HIPK2: variants seen among roughly 807,000 people sequenced by gnomAD.
HIPK2 encodes homeodomain interacting protein kinase 2.
A neutral mutation model predicts 113.7 loss-of-function variants in HIPK2; 27 were observed. The observed-to-expected ratio is 0.24, with a 90% CI of 0.17 to 0.33. HIPK2 has a LOEUF of 0.33. Ranked by LOEUF, HIPK2 falls within the 10% of genes least tolerant of loss-of-function variation. HIPK2 has a pLI of 1.00. For missense variants in HIPK2, 1,257 were observed against 1,588.0 expected (o/e 0.79, Z 3.54); for synonymous variants, 631 against 642.2 (o/e 0.98, Z 0.26).
In HIPK2 at chr7:139,575,242, G is replaced by T; in HGVS notation, c.3012C>A (p.Ser1004Arg). The change falls in exon 14 of 15, where the codon AGC (serine) becomes AGA (arginine). Residue 1004 changes from serine (S) to arginine (R), a missense_variant. Physicochemically the swap from Ser to Arg is moderately radical, Grantham distance 110. This residue lies in a region of HIPK2 where 862 missense variants were observed against 1,004.3 expected (regional missense o/e 0.86). Coordinates refer to ENST00000406875, the MANE Select transcript of HIPK2 (RefSeq NM_022740.5). ...AGTGACCGCTGGTGGAGGTCACGTT[G>T]CTGGAGGACTTGGACTTGTAGGAGG... ...HSSSYKSKSS[S>R]NVTSTSGHSS... 1 of 1,579,762 alleles carries T rather than the reference G, an allele frequency of 6.3e-7. No individual in the cohort carries two copies. Among genetic ancestry groups the T allele is most frequent in the Admixed American group, 1.8e-5 (1 of 54,370 alleles).
At chr7:139,664,452 G>A (rs754541149) in intron 2 of HIPK2, among the ~76,000 whole-genome samples, 20 of 152,160 alleles carry the variant, frequency 1.3e-4, no homozygotes, top group Non-Finnish European at 2.1e-4. Flanking sequence ...CAGGAGAATC[G>A]CTTGAACCTG....
chr7:139,586,768 AAAG>A (rs1297136349), intron 12 of HIPK2, among the ~76,000 whole-genome samples: 1 of 152,178 alleles, frequency 6.6e-6, no homozygotes, highest in Non-Finnish European at 1.5e-5. Flanking sequence ...CCAAAAAAAA[AAAG>A]TTCTGATACA....
intron 2 of HIPK2, among the ~76,000 whole-genome samples, chr7:139,653,908 T>A (rs1367838491): frequency 1.3e-5 from 2 of 152,054 alleles, no homozygotes; most frequent in African/African-American, 2.4e-5. Flanking sequence ...AATTTTTGTA[T>A]TTTTAGTAGA....
In HIPK2 at chr7:139,716,654, T is replaced by C; in HGVS notation, c.381A>G (p.Gln127=). The C allele has an allele frequency of 6.2e-7, 1 of 1,613,930 alleles. No homozygotes were observed. The highest frequency in any genetic ancestry group is 8.5e-7 in the Non-Finnish European group (1 of 1,179,886). ...RSTVSLLDTY[Q]KCGLKRKSEE... ...CGCTCTTACGCTTGAGTCCACATTTTTGGTAGGTATCAAGGAGGCTCACAG... is the reference window on the plus strand; with the variant it reads ...CGCTCTTACGCTTGAGTCCACATTTCTGGTAGGTATCAAGGAGGCTCACAG... The change falls in exon 2 of 15, where the codon CAA becomes CAG. Residue 127 remains glutamine (Q), a synonymous_variant. Coordinates refer to ENST00000406875, the MANE Select transcript of HIPK2 (RefSeq NM_022740.5). The surrounding 1 kb of genome is among the most constrained non-coding windows in gnomAD (Gnocchi z 9.3).
intron 11 of HIPK2, among the ~76,000 whole-genome samples, chr7:139,597,929 T>C (rs1035435944): frequency 3.3e-5 from 5 of 152,212 alleles, no homozygotes; most frequent in Admixed American, 2.6e-4. Context: ...TTTTCAGATT[T>C]TGGAATATTT....
intron 1 of HIPK2, among the ~76,000 whole-genome samples, chr7:139,776,389 C>T (rs930613992): frequency 6.6e-6 from 1 of 151,836 alleles, no homozygotes; most frequent in Non-Finnish European, 1.5e-5. Flanking sequence ...ATTTGGAGCC[C>T]TGAAACTAAT....
rs888108831 is a variant in HIPK2, at chr7:139,719,295, C to G, written c.20-2280G>C. Among the ~76,000 whole-genome samples, 42 of 151,974 alleles carry G rather than the reference C, an allele frequency of 2.8e-4. 1 individual carries two copies. The highest frequency in any genetic ancestry group is 3.1e-4 in the Non-Finnish European group (21 of 67,988). ...CTAATTTTCATATTTTTAGTAGAGA[C>G]GGGGTTTCATGTTGGCCAGGCTGGC... is the stretch of plus-strand genomic sequence containing the variant. On this transcript the variant is annotated intron_variant, in intron 1 of 14. Coordinates refer to ENST00000406875, the MANE Select transcript of HIPK2 (RefSeq NM_022740.5).
chr7:139,604,887 G>A (rs1799568287), intron 9 of HIPK2, among the ~76,000 whole-genome samples: 1 of 152,150 alleles, frequency 6.6e-6, no homozygotes, highest in Non-Finnish European at 1.5e-5. Context: ...GGGGATTAGG[G>A]TAGTTGAGTT....
chr7:139,620,700 A>C, intron 6 of HIPK2, 137 bp from the exon 7 acceptor site: 1 of 1,167,882 alleles, frequency 8.6e-7, no homozygotes, highest in Non-Finnish European at 1.2e-6. Flanking sequence ...ACTAAACTTT[A>C]GGTCTAAGTT....
chr7:139,774,923 G>T (rs2117187025), intron 1 of HIPK2, among the ~76,000 whole-genome samples: 1 of 152,308 alleles, frequency 6.6e-6, no homozygotes, highest in South Asian at 2.1e-4. Context: ...GCAAGCCCTG[G>T]AAGACTGATT....
intron 1 of HIPK2, among the ~76,000 whole-genome samples, chr7:139,770,551 T>C (rs1796631645): frequency 6.6e-6 from 1 of 152,224 alleles, no homozygotes; most frequent in Admixed American, 6.5e-5. Flanking sequence ...TTCTTCAAGA[T>C]GCAAATCTGT....
chr7:139,647,374 A>C (rs1332831801), intron 2 of HIPK2, among the ~76,000 whole-genome samples: 5 of 152,202 alleles, frequency 3.3e-5, no homozygotes, highest in Non-Finnish European at 7.3e-5. Context: ...GTAAATACCC[A>C]ATACACAGAT....
intron 2 of HIPK2, among the ~76,000 whole-genome samples, chr7:139,694,534 G>A (rs975214107): frequency 6.6e-6 from 1 of 152,130 alleles, no homozygotes; most frequent in African/African-American, 2.4e-5. Context: ...GGAACCACGT[G>A]GGGAGTCTGT....
intron 1 of HIPK2, among the ~76,000 whole-genome samples, chr7:139,761,613 A>G (rs1425974752): frequency 6.6e-6 from 1 of 152,250 alleles, no homozygotes; most frequent in Non-Finnish European, 1.5e-5. Context: ...AGGCAAGACC[A>G]GCAACTGGTC....
At chr7:139,715,889 A>T in intron 2 of HIPK2, 43 bp downstream of exon 2, 1 of 1,586,870 alleles carries the variant, frequency 6.3e-7, no homozygotes, top group Non-Finnish European at 8.6e-7. Context: ...TGTGAGTGCC[A>T]CTGGGCATTC....
At chr7:139,597,794 T>C (rs1192272712) in intron 11 of HIPK2, among the ~76,000 whole-genome samples, 1 of 152,124 alleles carries the variant, frequency 6.6e-6, no homozygotes, top group Non-Finnish European at 1.5e-5. Flanking sequence ...AATTAACCAG[T>C]GTGATTTTTG....
At chr7:139,576,579 A>G (rs1451179514) in intron 13 of HIPK2, among the ~76,000 whole-genome samples, 5 of 152,184 alleles carry the variant, frequency 3.3e-5, no homozygotes, top group Admixed American at 6.5e-5. Flanking sequence ...AACTCATCCA[A>G]GTATTTTCTG....
intron 1 of HIPK2, among the ~76,000 whole-genome samples, chr7:139,771,888 G>T (rs1034789867): frequency 6.6e-6 from 1 of 152,186 alleles, no homozygotes; most frequent in African/African-American, 2.4e-5. Flanking sequence ...TTGAGTAAAA[G>T]AAAACAAGTT....
At chr7:139,682,969 C>T (rs936478846) in intron 2 of HIPK2, among the ~76,000 whole-genome samples, 4 of 152,194 alleles carry the variant, frequency 2.6e-5, no homozygotes, top group South Asian at 4.1e-4. Context: ...GCAAGAGAGG[C>T]TGGTCCTTTC....
Sources: allele counts gnomAD v4.1 joint callset (sites outside exome capture counted in the v4.1 genomes callset), GRCh38; gene constraint gnomAD v4.1.1; regional missense constraint gnomAD v4.1.1; non-coding constraint Gnocchi (gnomAD v3.1); transcripts MANE v1.5; gene names NCBI Gene and HGNC (gene_info 2026-07-23, HGNC 2026-07-21).